Variants in TANGO6 observed in about 807,000 individuals in gnomAD.
The protein encoded by TANGO6 is transport and Golgi organization protein 6 homolog.
A neutral mutation model predicts 114.2 loss-of-function variants in TANGO6; 90 were observed. That is an observed-to-expected ratio of 0.79 (90% CI 0.66 to 0.94). The LOEUF (loss-of-function observed/expected upper bound fraction) is 0.94, where lower values mean the gene tolerates loss of function less well. Among genes scored for constraint, TANGO6 ranks in the 40% least tolerant of loss-of-function variants. TANGO6 has a pLI of 0.00. For missense variants in TANGO6, 1,274 were observed against 1,315.3 expected (o/e 0.97, Z 0.49); for synonymous variants, 477 against 509.8 (o/e 0.94, Z 0.87).
chr16:69,044,189 C>T (rs576855185), intron 17 of TANGO6, among the ~76,000 whole-genome samples: 3 of 152,106 alleles, frequency 2.0e-5, no homozygotes, highest in Admixed American at 6.6e-5. Flanking sequence ...TTCGGCCTCC[C>T]GAGTAGCTAG....
At chr16:68,920,351 G>A (rs1015041008) in intron 12 of TANGO6, among the ~76,000 whole-genome samples, 3 of 152,184 alleles carry the variant, frequency 2.0e-5, no homozygotes, top group Non-Finnish European at 2.9e-5. Context: ...AAAACATCAC[G>A]TACAAAGGCT....
intron 11 of TANGO6, among the ~76,000 whole-genome samples, chr16:68,909,947 G>T (rs1215270622): frequency 6.6e-6 from 1 of 152,166 alleles, no homozygotes. Context: ...TAAGTTTTAA[G>T]ATGTTTTAAA....
At chr16:68,914,789 G>C (rs1962975359) in intron 11 of TANGO6, among the ~76,000 whole-genome samples, 1 of 151,964 alleles carries the variant, frequency 6.6e-6, no homozygotes, top group Admixed American at 6.6e-5. Flanking sequence ...AGGGGGTTTT[G>C]GGGTTAACAC....
At position 68,966,205 on chromosome 16, in the gene TANGO6, G is replaced by A. The variant is rs150125732; in HGVS notation, c.2702-7823G>A. On this transcript the variant is annotated intron_variant, in intron 14 of 17. Transcript: ENST00000261778. ...TATACCAAAGCACTCCAGCCTGGGCGACAGAACAAGACTCTGTCTTAAAAA... is the reference window on the plus strand; with the variant it reads ...TATACCAAAGCACTCCAGCCTGGGCAACAGAACAAGACTCTGTCTTAAAAA... 5.0e-3 allele frequency among the ~76,000 whole-genome samples: 750 copies of A among 149,436 alleles called. 4 individuals are homozygous for A. Among genetic ancestry groups the A allele is most frequent in the Non-Finnish European group, 6.8e-3 (459 of 67,280 alleles).
At chr16:68,998,503 G>A (rs1435486971) in intron 15 of TANGO6, among the ~76,000 whole-genome samples, 5 of 152,000 alleles carry the variant, frequency 3.3e-5, no homozygotes, top group African/African-American at 4.8e-5. Context: ...AGGCTGAGGC[G>A]GGCAGATCAC....
chr16:68,875,116 TTGC>T (rs752491023), intron 4 of TANGO6, 35 bp from the exon 5 acceptor site: 3 of 1,572,630 alleles, frequency 1.9e-6, no homozygotes, highest in Non-Finnish European at 2.6e-6. Flanking sequence ...CTGTGGGGAA[TTGC>T]TGTGAGCTGC....
At chr16:68,977,312 G>GTTT (rs373558423) in intron 15 of TANGO6, among the ~76,000 whole-genome samples, 2 of 145,210 alleles carry the variant, frequency 1.4e-5, no homozygotes, top group Non-Finnish European at 3.0e-5. Flanking sequence ...TTTTGTTTTT[G>GTTT]TTTTTTTTTT....
intron 14 of TANGO6, among the ~76,000 whole-genome samples, chr16:68,957,541 G>A (rs1567548136): frequency 6.6e-6 from 1 of 151,998 alleles, no homozygotes; most frequent in African/African-American, 2.4e-5. Flanking sequence ...GGGATTACAA[G>A]CGCCCAGCAC....
intron 1 of TANGO6, among the ~76,000 whole-genome samples, chr16:68,852,531 A>C (rs1476371640): frequency 6.6e-6 from 1 of 152,166 alleles, no homozygotes; most frequent in African/African-American, 2.4e-5. Context: ...TTTTCTAAAC[A>C]AATAGAAAAG....
chr16:68,923,088 C>T (rs557402383), intron 12 of TANGO6, among the ~76,000 whole-genome samples: 42 of 151,100 alleles, frequency 2.8e-4, no homozygotes, highest in Admixed American at 5.3e-4. Context: ...GCTGGGATTA[C>T]GGTCATGCAC....
At position 68,927,695 on chromosome 16, in the gene TANGO6, G is replaced by A; in HGVS notation, c.2255G>A (p.Gly752Glu). Residue 752 changes from glycine to glutamate, a missense_variant, in exon 13 of 18, where the codon GGA becomes GAA. Around this residue, in one of 5 missense-constraint regions of TANGO6, gnomAD observed 908 missense variants for 910.2 expected, o/e 1.00. Transcript: ENST00000261778. ...VDLRITISTHGAFATEAVSMA... is the reference protein window; with the variant it reads ...VDLRITISTHEAFATEAVSMA... ...CTCCGCATCACCATCTCTACCCATGGAGCCTTTGCCACTGAGGCCGTCAGC... is the reference window on the plus strand; with the variant it reads ...CTCCGCATCACCATCTCTACCCATGAAGCCTTTGCCACTGAGGCCGTCAGC... The A allele has an allele frequency of 6.2e-7, 1 of 1,613,946 alleles. No individual in the cohort carries two copies. The highest frequency in any genetic ancestry group is 8.5e-7 in the Non-Finnish European group (1 of 1,179,876).
chr16:69,039,047 T>C (rs1959733547), intron 16 of TANGO6, among the ~76,000 whole-genome samples: 1 of 152,002 alleles, frequency 6.6e-6, no homozygotes, highest in African/African-American at 2.4e-5. Flanking sequence ...TAGCCAGGTG[T>C]GGTGGCGGAT....
At chr16:69,037,662 C>T (rs1258468501) in intron 16 of TANGO6, among the ~76,000 whole-genome samples, 1 of 152,218 alleles carries the variant, frequency 6.6e-6, no homozygotes, top group Admixed American at 6.5e-5. Context: ...ACTGTTAATG[C>T]CACAGGCATG....
chr16:68,873,160 C>T (rs1380087707), intron 4 of TANGO6, among the ~76,000 whole-genome samples: 1 of 151,984 alleles, frequency 6.6e-6, no homozygotes, highest in Non-Finnish European at 1.5e-5. Context: ...AATCACCACT[C>T]CTCATTCTCC....
At chr16:68,938,467 AT>A (rs1375611533) in intron 14 of TANGO6, among the ~76,000 whole-genome samples, 1 of 152,154 alleles carries the variant, frequency 6.6e-6, no homozygotes, top group Non-Finnish European at 1.5e-5. Context: ...AGCCAGGCTT[AT>A]AGGGAATTAT....
intron 5 of TANGO6, 46 bp downstream of exon 5, chr16:68,875,336 T>C (rs1962337602): frequency 1.3e-6 from 2 of 1,590,338 alleles, no homozygotes; most frequent in Non-Finnish European, 1.7e-6. Context: ...TATCTGCTTA[T>C]TTACAGAAAG....
rs1243240633 is a variant in TANGO6, at chr16:68,875,225, A to G, written c.1066A>G (p.Ile356Val). 1.5e-5 allele frequency: 24 copies of G among 1,613,638 alleles called. No homozygotes were observed. The highest frequency in any genetic ancestry group is 2.7e-5 in the African/African-American group (2 of 74,904). The change falls in exon 5 of 18, where the codon ATT becomes GTT. Residue 356 changes from isoleucine to valine, a missense_variant. Transcript: ENST00000261778. Reference sequence around the variant, plus strand: ...GAAGAAGTGTGACCTGATCGCAAAGATTTTGGCCTCTTGTCCCCAGCAGTC... The same window carrying G: ...GAAGAAGTGTGACCTGATCGCAAAGGTTTTGGCCTCTTGTCCCCAGCAGTC... ...DWKKCDLIAK[I>V]LASCPQQSLS...
chr16:68,919,014 A>G, intron 11 of TANGO6, 71 bp from the exon 12 acceptor site: 2 of 1,514,866 alleles, frequency 1.3e-6, no homozygotes, highest in Non-Finnish European at 1.8e-6. Flanking sequence ...GGATGTAGAC[A>G]TAAGATGTAA....
Position 69,018,139 on chromosome 16 carries a change from C to CTTTTTTTTTTTTTT in TANGO6, c.2843-4680_2843-4667dup, listed in dbSNP as rs34796579. ...CACCATGCCCAGCCGTTGGAAATCT[C>CTTTTTTTTTTTTTT]TTTTTTTTTTTTTTTTTTTTTTGAG... is the stretch of plus-strand genomic sequence containing the variant. On this transcript the variant is annotated intron_variant, in intron 15 of 17. Transcript: ENST00000261778. Among the ~76,000 whole-genome samples, 132 of 77,072 alleles carry CTTTTTTTTTTTTTT rather than the reference C, an allele frequency of 1.7e-3. 11 individuals are homozygous for CTTTTTTTTTTTTTT. The highest frequency in any genetic ancestry group is 5.8e-3 in the African/African-American group (124 of 21,514). The allele number at this position is 77,072 out of a possible 152,430, so 50.6% of individuals were successfully genotyped here. A position where few individuals can be genotyped will look rare whatever the true frequency, so the allele number is the denominator to read the frequency against.
Sources: allele counts gnomAD v4.1 joint callset (sites outside exome capture counted in the v4.1 genomes callset), GRCh38; gene constraint gnomAD v4.1.1; regional missense constraint gnomAD v4.1.1; transcripts MANE v1.5; gene names NCBI Gene and HGNC (gene_info 2026-07-23, HGNC 2026-07-21).